The following TLK1 variants were observed in gnomAD, a reference collection of about 807,000 sequenced individuals.
TLK1 encodes serine/threonine-protein kinase tousled-like 1.
TLK1 carries 24 observed loss-of-function variants against 105.3 expected under a neutral mutation model. The observed-to-expected ratio is 0.23, with a 90% CI of 0.17 to 0.32. The LOEUF (loss-of-function observed/expected upper bound fraction) is 0.32. Among genes scored for constraint, TLK1 ranks in the 10% least tolerant of loss-of-function variants. The probability of loss-of-function intolerance (pLI) is 1.00; values close to 1 mark genes in which losing one functional copy is unlikely to be tolerated. For missense variants in TLK1, 558 were observed against 910.5 expected (o/e 0.61, Z 4.98); for synonymous variants, 321 against 310.4 (o/e 1.03, Z -0.36).
intron 4 of TLK1, among the ~76,000 whole-genome samples, chr2:171,058,780 T>G (rs1687617108): frequency 6.6e-6 from 1 of 152,142 alleles, no homozygotes; most frequent in South Asian, 2.1e-4. Context: ...ATTAAGAACT[T>G]GCTAAGAAAT....
At chr2:171,033,676 C>G (rs1051450528) in intron 11 of TLK1, among the ~76,000 whole-genome samples, 2 of 150,190 alleles carry the variant, frequency 1.3e-5, no homozygotes, top group Non-Finnish European at 3.0e-5. Flanking sequence ...TATCATGTAC[C>G]CTGTACATTG....
intron 20 of TLK1, among the ~76,000 whole-genome samples, chr2:170,995,701 T>G (rs1316717483): frequency 6.6e-6 from 1 of 152,202 alleles, no homozygotes; most frequent in Non-Finnish European, 1.5e-5. Flanking sequence ...AATAAGAATA[T>G]TTATCTCTTT....
intron 18 of TLK1, among the ~76,000 whole-genome samples, chr2:170,998,451 C>G (rs1050313540): frequency 1.3e-5 from 2 of 152,190 alleles, no homozygotes; most frequent in African/African-American, 4.8e-5. Flanking sequence ...CCACTCGGCT[C>G]TCCTTTATCC....
At chr2:171,195,368 T>G (rs1237182876) in intron 1 of TLK1, among the ~76,000 whole-genome samples, 1 of 151,788 alleles carries the variant, frequency 6.6e-6, no homozygotes. Flanking sequence ...CCGGGCATGG[T>G]GGTGGGCGCC....
intron 2 of TLK1, among the ~76,000 whole-genome samples, chr2:171,098,484 C>T (rs1016030183): frequency 2.0e-5 from 3 of 151,992 alleles, no homozygotes; most frequent in East Asian, 3.9e-4. Flanking sequence ...AACAAGAAAA[C>T]GAATAAATAT....
rs903574221 is a variant in TLK1, at chr2:171,192,450, C to T, written c.-6+38695G>A. The stretch of plus-strand genomic sequence containing the variant: ...ATCCCAGCACTTTGGGAGGCCGAGG[C>T]GGGCGGATCACGAGGTCAGGAGATC... On this transcript the variant is annotated intron_variant, in intron 1 of 20. Transcript: ENST00000521943. 5.3e-5 allele frequency among the ~76,000 whole-genome samples: 8 copies of T among 152,060 alleles called. 1 individual carries two copies. In the South Asian group the frequency reaches 1.2e-3, roughly 24 times the overall value.
At chr2:171,142,373 T>C (rs1242584985) in intron 1 of TLK1, among the ~76,000 whole-genome samples, 1 of 152,180 alleles carries the variant, frequency 6.6e-6, no homozygotes, top group African/African-American at 2.4e-5. Flanking sequence ...AACTAGTTTA[T>C]TTAAACTAGT....
intron 18 of TLK1, among the ~76,000 whole-genome samples, chr2:170,999,754 T>C (rs917586442): frequency 7.6e-4 from 115 of 152,224 alleles, no homozygotes; most frequent in African/African-American, 2.5e-3. Flanking sequence ...AATCCATGTA[T>C]GATTTTTATT....
intron 2 of TLK1, among the ~76,000 whole-genome samples, chr2:171,098,939 A>C (rs1307852177): frequency 1.3e-5 from 2 of 152,222 alleles, no homozygotes; most frequent in African/African-American, 2.4e-5. Flanking sequence ...GCCACTCAGC[A>C]ATCTAGAAAT....
At chr2:171,216,162 A>T (rs1291366894) in intron 1 of TLK1, among the ~76,000 whole-genome samples, 4 of 152,166 alleles carry the variant, frequency 2.6e-5, no homozygotes, top group Non-Finnish European at 5.9e-5. Context: ...CCAGAGTTGC[A>T]CACTAACCAC....
intron 1 of TLK1, among the ~76,000 whole-genome samples, chr2:171,204,642 A>ATGGCTTTT (rs1255933172): frequency 6.6e-6 from 1 of 152,150 alleles, no homozygotes; most frequent in Non-Finnish European, 1.5e-5. Context: ...CCAAAAAGGA[A>ATGGCTTTT]AAATCTACGT....
At chr2:171,069,617 G>A (rs577257357) in intron 3 of TLK1, among the ~76,000 whole-genome samples, 1 of 152,266 alleles carries the variant, frequency 6.6e-6, no homozygotes, top group South Asian at 2.1e-4. Context: ...CGTCAATAAT[G>A]TTAAGGGTGA....
chr2:171,144,546 G>T (rs1195278463), intron 1 of TLK1, among the ~76,000 whole-genome samples: 1 of 151,768 alleles, frequency 6.6e-6, no homozygotes. Context: ...CAAATATGCA[G>T]AAATTAACAT....
At chr2:171,114,259 C>A (rs777011564) in intron 2 of TLK1, among the ~76,000 whole-genome samples, 4 of 152,068 alleles carry the variant, frequency 2.6e-5, no homozygotes, top group Non-Finnish European at 4.4e-5. Flanking sequence ...CCCAATGATA[C>A]ACACACCCTA....
rs974027964 is a variant in TLK1 at position 171,198,289 on chromosome 2, G to A, written c.-6+32856C>T. On this transcript the variant is annotated intron_variant, in intron 1 of 20. Coordinates refer to the TLK1 transcript ENST00000521943. ...TAATGTGTGATATAAATGTGTAAGC[G>A]CATTTAATATTCTATAAATGTGTCA... Among the ~76,000 whole-genome samples, 7 of 152,230 alleles carry A rather than the reference G, an allele frequency of 4.6e-5. No individual in the cohort carries two copies. The East Asian group carries it at 7.7e-4, about 17-fold the overall frequency.
intron 1 of TLK1, among the ~76,000 whole-genome samples, chr2:171,137,612 G>A (rs1462202082): frequency 1.3e-5 from 2 of 152,038 alleles, no homozygotes; most frequent in Non-Finnish European, 1.5e-5. Flanking sequence ...ACTTTGGGAG[G>A]CTAACGTGGG....
rs181207262 is a variant in TLK1 at position 171,154,899 on chromosome 2, T to G, written c.139+5391A>C. 2.0e-5 allele frequency among the ~76,000 whole-genome samples: 3 copies of G among 152,286 alleles called. No homozygotes were observed. In the East Asian group the frequency reaches 5.8e-4, roughly 29 times the overall value. On this transcript the variant is annotated intron_variant, in intron 1 of 20. Transcript: ENST00000431350. ...AATATTAAATTGACCCCAAGAAAGT[T>G]ATGAGAATTTATGCTTAAATTCCCA...
At chr2:171,190,052 T>C (rs941786048) in intron 1 of TLK1, among the ~76,000 whole-genome samples, 4 of 152,230 alleles carry the variant, frequency 2.6e-5, no homozygotes, top group Non-Finnish European at 5.9e-5. Context: ...CACAAGGTCA[T>C]ATATTTTTGT....
intron 12 of TLK1, among the ~76,000 whole-genome samples, chr2:171,022,088 C>CAT (rs1553605643): frequency 7.2e-6 from 1 of 139,200 alleles, no homozygotes; most frequent in Non-Finnish European, 1.5e-5. Flanking sequence ...GGGCGAAAAA[C>CAT]ACACACACAC....
Sources: gnomAD v4.1 joint callset for allele counts (sites outside exome capture counted in the v4.1 genomes callset) on GRCh38, gnomAD v4.1.1 for gene constraint, MANE v1.5 for transcripts, NCBI Gene and HGNC (gene_info 2026-07-23, HGNC 2026-07-21) for gene names.